Variants in LIMCH1 observed in about 807,000 individuals in gnomAD.
LIMCH1 encodes the protein LIM and calponin homology domains-containing protein 1.
A neutral mutation model predicts 176.5 loss-of-function variants in LIMCH1; 113 were observed. The observed-to-expected ratio is 0.64, with a 90% CI of 0.55 to 0.75. The LOEUF is 0.75. Ranked by LOEUF, LIMCH1 falls within the 30% of genes least tolerant of loss-of-function variation. The pLI, the probability that LIMCH1 is intolerant of heterozygous loss-of-function variation, is 0.00. For missense variants in LIMCH1, 1,674 were observed against 1,814.9 expected (o/e 0.92, Z 1.41); for synonymous variants, 619 against 645.9 (o/e 0.96, Z 0.63).
At chr4:41,662,367 C>T (rs879396593) in intron 19 of LIMCH1, among the ~76,000 whole-genome samples, 2 of 152,176 alleles carry the variant, frequency 1.3e-5, no homozygotes, top group Non-Finnish European at 2.9e-5. Flanking sequence ...CCCCACAATC[C>T]GTAACACATT....
At chr4:41,374,948 T>C (rs2054513487) in intron 1 of LIMCH1, among the ~76,000 whole-genome samples, 1 of 152,190 alleles carries the variant, frequency 6.6e-6, no homozygotes. Flanking sequence ...GGGAAATAGA[T>C]GAGTTGATTA....
chr4:41,460,636 T>A (rs976088190), intron 1 of LIMCH1, among the ~76,000 whole-genome samples: 13 of 152,058 alleles, frequency 8.5e-5, no homozygotes, highest in Admixed American at 3.3e-4. Context: ...ATATAAATAA[T>A]TTTTAAAGGC....
intron 1 of LIMCH1, among the ~76,000 whole-genome samples, chr4:41,435,413 A>C (rs2061985713): frequency 1.3e-5 from 2 of 152,222 alleles, no homozygotes; most frequent in Admixed American, 6.5e-5. Context: ...CCCTGCCAAC[A>C]TCTGGACATT....
chr4:41,685,997 T>G (rs998285965), intron 28 of LIMCH1, among the ~76,000 whole-genome samples, 167 bp downstream of exon 28: 2 of 152,186 alleles, frequency 1.3e-5, no homozygotes, highest in Non-Finnish European at 2.9e-5. Flanking sequence ...GAAGTTTGGG[T>G]CAGTCTTTCT....
At position 41,426,111 on chromosome 4, in the gene LIMCH1, T is replaced by C. The variant is rs2061069136; in HGVS notation, c.96+65175T>C. ...ATCTCGGCTCACTGCAAGTTCCGCC[T>C]CCCGGGTTCACGCCATTCTCCTGCC... is the stretch of plus-strand genomic sequence containing the variant. On this transcript the variant is annotated intron_variant, in intron 1 of 26. Transcript: ENST00000313860. 2.9e-5 allele frequency among the ~76,000 whole-genome samples: 4 copies of C among 136,644 alleles called. No individual in the cohort carries two copies. The South Asian group carries it at 9.8e-4, about 34-fold the overall frequency. 89.6% of individuals were successfully genotyped at this position (136,644 alleles called of 152,430 possible).
At chr4:41,628,006 A>T (rs1046368912) in intron 8 of LIMCH1, among the ~76,000 whole-genome samples, 1 of 152,140 alleles carries the variant, frequency 6.6e-6, no homozygotes, top group African/African-American at 2.4e-5. Context: ...AGATACAAAA[A>T]CCCATGAGGG....
At chr4:41,684,614 C>T in intron 27 of LIMCH1, 96 bp downstream of exon 27, 18 of 1,397,186 alleles carry the variant, frequency 1.3e-5, no homozygotes, top group Non-Finnish European at 1.7e-5. Flanking sequence ...CTGCAGGCTT[C>T]TCTCTAAGGG....
intron 1 of LIMCH1, among the ~76,000 whole-genome samples, chr4:41,467,158 T>TATATACACACACACACAC (rs1157542568): frequency 2.1e-5 from 3 of 143,468 alleles, no homozygotes; most frequent in African/African-American, 7.7e-5. Flanking sequence ...TATGTATATA[T>TATATACACACACACACAC]ACACACACAC....
At chr4:41,458,648 C>T (rs556418639) in intron 1 of LIMCH1, among the ~76,000 whole-genome samples, 1 of 151,946 alleles carries the variant, frequency 6.6e-6, no homozygotes, top group Admixed American at 6.6e-5. Flanking sequence ...GTGGCATGCA[C>T]CTGTAATCCC....
At chr4:41,508,987 T>C (rs893649708) in intron 2 of LIMCH1, among the ~76,000 whole-genome samples, 3 of 152,190 alleles carry the variant, frequency 2.0e-5, no homozygotes, top group Admixed American at 2.0e-4. Flanking sequence ...AAAGTACACA[T>C]GCAATCATTT....
At chr4:41,604,073 A>G (rs951517960) in intron 3 of LIMCH1, 168 bp downstream of exon 3, 1 of 466,244 alleles carries the variant, frequency 2.1e-6, no homozygotes, top group Non-Finnish European at 2.8e-6. Flanking sequence ...TAAATTGTGT[A>G]TGTGTTGGGC....
At chr4:41,362,655 T>G (rs1026501659) in intron 1 of LIMCH1, among the ~76,000 whole-genome samples, 5 of 152,228 alleles carry the variant, frequency 3.3e-5, no homozygotes, top group African/African-American at 1.2e-4. Context: ...GTTACACATG[T>G]AAAAGTGCAC....
intron 1 of LIMCH1, among the ~76,000 whole-genome samples, chr4:41,594,892 T>A (rs1266540998): frequency 6.6e-6 from 1 of 152,088 alleles, no homozygotes; most frequent in Non-Finnish European, 1.5e-5. Flanking sequence ...TGGTCACAGG[T>A]CTTGTCTTTT....
intron 30 of LIMCH1, among the ~76,000 whole-genome samples, chr4:41,690,187 T>G (rs1027892644): frequency 6.6e-6 from 1 of 152,208 alleles, no homozygotes; most frequent in Non-Finnish European, 1.5e-5. Flanking sequence ...TATAGAACCT[T>G]TCTTGGTCCT....
chr4:41,604,273 G>C (rs888899724), intron 3 of LIMCH1: 1 of 916,956 alleles, frequency 1.1e-6, no homozygotes, highest in Non-Finnish European at 1.3e-6. Context: ...ATTGTTGTAG[G>C]GTAAGATCTG....
chr4:41,411,075 A>G (rs2059438285), intron 1 of LIMCH1, among the ~76,000 whole-genome samples: 1 of 152,216 alleles, frequency 6.6e-6, no homozygotes. Context: ...CAGCACTTGA[A>G]TGATTGCCTG....
intron 2 of LIMCH1, among the ~76,000 whole-genome samples, chr4:41,516,851 AGATCCG>A (rs1257114595): frequency 6.6e-6 from 1 of 152,230 alleles, no homozygotes; most frequent in African/African-American, 2.4e-5. Flanking sequence ...CATCCCAGCA[AGATCCG>A]GAGGGAAGTA....
At chr4:41,519,319 C>T (rs189742609) in intron 2 of LIMCH1, among the ~76,000 whole-genome samples, 94 of 152,224 alleles carry the variant, frequency 6.2e-4, no homozygotes, top group African/African-American at 2.1e-3. Flanking sequence ...ATCATGCATA[C>T]GCAATAAATG....
chr4:41,635,696 A>C (rs2093552677), intron 13 of LIMCH1, among the ~76,000 whole-genome samples: 1 of 152,226 alleles, frequency 6.6e-6, no homozygotes, highest in Non-Finnish European at 1.5e-5. Flanking sequence ...TTTATCAAGT[A>C]ATAATCACTA....
Sources: allele counts gnomAD v4.1 joint callset (sites outside exome capture counted in the v4.1 genomes callset), GRCh38; gene constraint gnomAD v4.1.1; transcripts MANE v1.5; gene names NCBI Gene and HGNC (gene_info 2026-07-23, HGNC 2026-07-21).